The following TNR variants were observed in gnomAD, a reference collection of about 807,000 sequenced individuals.
TNR encodes the protein tenascin R, also known as tenascin-R.
In TNR, 45 loss-of-function variants were observed where a neutral mutation model predicts 150.4. The ratio of observed to expected loss-of-function variants is 0.30; its 90% CI spans 0.24 to 0.38. The LOEUF (loss-of-function observed/expected upper bound fraction) is 0.38. Among genes scored for constraint, TNR ranks in the 10% least tolerant of loss-of-function variants. The pLI, the probability that TNR is intolerant of heterozygous loss-of-function variation, is 1.00. For synonymous variants in TNR, 687 were observed against 678.4 expected (o/e 1.01, Z -0.20); for missense variants, 1,544 against 1,759.1 (o/e 0.88, Z 2.19).
intron 22 of TNR, among the ~76,000 whole-genome samples, chr1:175,323,732 TTG>T (rs1649196471): frequency 6.6e-6 from 1 of 152,200 alleles, no homozygotes; most frequent in African/African-American, 2.4e-5. Flanking sequence ...AGCTTTGTTT[TTG>T]GCTTCCAGGA....
chr1:175,352,751 T>TTC (rs1651115078), intron 18 of TNR, among the ~76,000 whole-genome samples: 1 of 152,252 alleles, frequency 6.6e-6, no homozygotes, highest in Non-Finnish European at 1.5e-5. Context: ...AATGTGCTCA[T>TTC]TTAAGATACT....
intron 1 of TNR, among the ~76,000 whole-genome samples, chr1:175,627,998 T>C (rs1465493687): frequency 1.3e-5 from 2 of 152,164 alleles, no homozygotes; most frequent in Non-Finnish European, 2.9e-5. Flanking sequence ...ACCTCCAAAT[T>C]ATAGCCAGTG....
At chr1:175,359,896 C>G (rs1571336330) in intron 14 of TNR, among the ~76,000 whole-genome samples, 165 bp from the exon 15 acceptor site, 1 of 152,208 alleles carries the variant, frequency 6.6e-6, no homozygotes, top group South Asian at 2.1e-4. Context: ...GTTCCATCAG[C>G]CTCTTCCATT....
chr1:175,447,362 T>C (rs1040474306), intron 2 of TNR, among the ~76,000 whole-genome samples: 1 of 152,302 alleles, frequency 6.6e-6, no homozygotes, highest in African/African-American at 2.4e-5. Flanking sequence ...CCTTCTCTGA[T>C]TTTATTCCTG....
Position 175,322,487 on chromosome 1 carries a change from A to G in TNR, c.*870T>C, listed in dbSNP as rs1649110889. 3 of 152,224 alleles carry G rather than the reference A, an allele frequency of 2.0e-5. No individual in the cohort carries two copies. In the South Asian group the frequency reaches 6.2e-4, roughly 32 times the overall value. The allele number at this position is 152,224 out of a possible 1,614,324, so 9.4% of individuals were successfully genotyped here. A position where few individuals can be genotyped will look rare whatever the true frequency, so the allele number is the denominator to read the frequency against. On this transcript the variant is annotated 3_prime_UTR_variant, in exon 23 of 23. Transcript: ENST00000367674. Reference sequence around the variant, plus strand: ...GATGAGAATCTTTGGCCCATTATAAAGGACTTGGGGCTGGATGCAGTGGCT... The same window carrying G: ...GATGAGAATCTTTGGCCCATTATAAGGGACTTGGGGCTGGATGCAGTGGCT...
rs544085995 is a variant in TNR at position 175,523,244 on chromosome 1, A to T, written c.-64+5025T>A. On this transcript the variant is annotated intron_variant, in intron 2 of 22. Transcript: ENST00000367674. ...TTACCATTTCCCCAAAACCTGAAGAACTGCAAAGGTAGTGGGGCATTGTGG... is the reference window on the plus strand; with the variant it reads ...TTACCATTTCCCCAAAACCTGAAGATCTGCAAAGGTAGTGGGGCATTGTGG... Among the ~76,000 whole-genome samples the T allele has an allele frequency of 3.3e-5, 5 of 152,350 alleles. No individual in the cohort carries two copies. In the South Asian group the frequency reaches 1.0e-3, roughly 32 times the overall value.
At chr1:175,327,850 G>A (rs2101981642) in intron 21 of TNR, among the ~76,000 whole-genome samples, 1 of 152,300 alleles carries the variant, frequency 6.6e-6, no homozygotes, top group South Asian at 2.1e-4. Context: ...GCTCACACCT[G>A]TAATCCCAGC....
At position 175,721,987 on chromosome 1, in the gene TNR, G is replaced by T. The variant is rs77441571; in HGVS notation, c.-165+21239C>A. On this transcript the variant is annotated intron_variant, in intron 1 of 22. Transcript: ENST00000367674. ...TGGACTGCTACCCCAGCTGTGACTGGCTTTCAGATGTAGGGACACTCCCTC... is the reference window on the plus strand; with the variant it reads ...TGGACTGCTACCCCAGCTGTGACTGTCTTTCAGATGTAGGGACACTCCCTC... Among the ~76,000 whole-genome samples the T allele has an allele frequency of 5.5e-4, 83 of 152,196 alleles. No homozygotes were observed. In the East Asian group the frequency reaches 0.016, roughly 29 times the overall value.
At chr1:175,340,146 G>A (rs1028132712) in intron 18 of TNR, among the ~76,000 whole-genome samples, 4 of 152,094 alleles carry the variant, frequency 2.6e-5, no homozygotes, top group East Asian at 3.9e-4. Flanking sequence ...TGGGATAAAC[G>A]TCCCAGATTA....
At chr1:175,468,268 G>A (rs1657120424) in intron 2 of TNR, among the ~76,000 whole-genome samples, 1 of 152,146 alleles carries the variant, frequency 6.6e-6, no homozygotes, top group African/African-American at 2.4e-5. Context: ...ACCTCCAGGT[G>A]ATTACCTTCT....
At chr1:175,605,380 C>T (rs1663374603) in intron 1 of TNR, among the ~76,000 whole-genome samples, 1 of 152,170 alleles carries the variant, frequency 6.6e-6, no homozygotes, top group South Asian at 2.1e-4. Context: ...AATATTGGCA[C>T]TTTAAAACTG....
intron 1 of TNR, among the ~76,000 whole-genome samples, chr1:175,571,028 G>A (rs1316961591): frequency 1.3e-5 from 2 of 152,140 alleles, no homozygotes; most frequent in Non-Finnish European, 2.9e-5. Context: ...ATTTAGAATT[G>A]TGGCACTCTC....
At chr1:175,590,268 T>C (rs1662747000) in intron 1 of TNR, among the ~76,000 whole-genome samples, 1 of 152,246 alleles carries the variant, frequency 6.6e-6, no homozygotes, top group Admixed American at 6.5e-5. Context: ...CACTATGTTG[T>C]ACATCTTAAA....
chr1:175,441,884 G>T (rs1487947680), intron 2 of TNR, among the ~76,000 whole-genome samples: 1 of 152,198 alleles, frequency 6.6e-6, no homozygotes, highest in Non-Finnish European at 1.5e-5. Context: ...CCAAGGTGGT[G>T]GGGGTTAGAT....
At chr1:175,696,217 G>GTTTTTTTTTTT (rs5778870) in intron 1 of TNR, among the ~76,000 whole-genome samples, 7 of 40,466 alleles carry the variant, frequency 1.7e-4, no homozygotes, top group African/African-American at 5.3e-4. Context: ...CCTTCCTGTA[G>GTTTTTTTTTTT]TTTTTTTTTT....
intron 1 of TNR, among the ~76,000 whole-genome samples, chr1:175,589,701 C>T (rs950522716): frequency 1.3e-5 from 2 of 152,174 alleles, no homozygotes; most frequent in Non-Finnish European, 2.9e-5. Context: ...TTTGCAGGGA[C>T]ATGGATGAAG....
At chr1:175,329,133 C>G (rs1649574817) in intron 21 of TNR, among the ~76,000 whole-genome samples, 1 of 152,118 alleles carries the variant, frequency 6.6e-6, no homozygotes, top group Admixed American at 6.5e-5. Flanking sequence ...AATAATTGAA[C>G]AGATGCAGTA....
At chr1:175,368,113 A>T (rs1651923733) in intron 9 of TNR, among the ~76,000 whole-genome samples, 1 of 152,178 alleles carries the variant, frequency 6.6e-6, no homozygotes, top group Non-Finnish European at 1.5e-5. Context: ...TTTCAGACTA[A>T]CTGGTTTGAC....
chr1:175,405,468 C>T (rs1653902540), intron 3 of TNR, among the ~76,000 whole-genome samples: 1 of 152,140 alleles, frequency 6.6e-6, no homozygotes, highest in African/African-American at 2.4e-5. Context: ...AAAGGTAACT[C>T]ACAAGGGTTA....
Sources: allele counts gnomAD v4.1 joint callset (sites outside exome capture counted in the v4.1 genomes callset), GRCh38; gene constraint gnomAD v4.1.1; transcripts MANE v1.5; gene names NCBI Gene and HGNC (gene_info 2026-07-23, HGNC 2026-07-21).